The following ERAP1 variants were observed in gnomAD, a reference collection of about 807,000 sequenced individuals.
ERAP1 encodes the protein adipocyte-derived leucine aminopeptidase.
Under a neutral mutation model 103.7 loss-of-function variants are expected in ERAP1, and 86 were observed. That is an observed-to-expected ratio of 0.83 (90% CI 0.70 to 0.99). The LOEUF (loss-of-function observed/expected upper bound fraction) is 0.99. Among genes scored for constraint, ERAP1 ranks in the 50% least tolerant of loss-of-function variants. The pLI is 0.00. For synonymous variants in ERAP1, 398 were observed against 402.4 expected (o/e 0.99, Z 0.13); for missense variants, 1,009 against 1,128.4 (o/e 0.89, Z 1.52).
chr5:96,877,467 C>A, the ERAP1 span, among the ~76,000 whole-genome samples: 79,574 of 152,104 alleles, frequency 0.52, 21,000 homozygotes, highest in South Asian at 0.61. Context: ...GTTATAACCT[C>A]AATAATAATT....
At chr5:96,918,002 C>T in the ERAP1 span, 1 of 152,822 alleles carries the variant, frequency 6.5e-6, no homozygotes, top group Non-Finnish European at 1.5e-5. Context: ...AGGGTAACAC[C>T]AGTGAAGCTC....
chr5:96,851,050 C>T, the ERAP1 span, among the ~76,000 whole-genome samples: 3 of 152,038 alleles, frequency 2.0e-5, no homozygotes, highest in African/African-American at 4.8e-5. Flanking sequence ...TTTCGGCTTC[C>T]TCAAAAATAC....
chr5:96,776,637 A>C lies in ERAP1; in HGVS notation c.2671-86T>G. 3 of 1,552,386 alleles carry C rather than the reference A, an allele frequency of 1.9e-6. No individual in the cohort carries two copies. The South Asian group carries it at 3.5e-5, about 18-fold the overall frequency. On this transcript the variant is annotated intron_variant, in intron 18 of 18. Transcript: ENST00000443439. ...TAGTTAAAACTGAAGCCAAAATTCC[A>C]GCATTTGTCAAAATTCTATATAGAA... is the stretch of plus-strand genomic sequence containing the variant.
chr5:96,797,118 C>T, intron 4 of ERAP1, 57 bp downstream of exon 4: 1 of 1,611,690 alleles, frequency 6.2e-7, no homozygotes, highest in South Asian at 1.1e-5. Flanking sequence ...AGTTTTAAAA[C>T]CAGTTCCAAG....
At chr5:96,780,079 G>T (rs113475281) in intron 18 of ERAP1, among the ~76,000 whole-genome samples, 102 of 152,316 alleles carry the variant, frequency 6.7e-4, no homozygotes, top group African/African-American at 2.4e-3. Context: ...TTCCGGACCT[G>T]CCTCTTTAGC....
the ERAP1 span, among the ~76,000 whole-genome samples, chr5:96,874,774 G>A: frequency 6.6e-6 from 1 of 152,206 alleles, no homozygotes; most frequent in Non-Finnish European, 1.5e-5. Flanking sequence ...TCTAATCATG[G>A]CAACATGTGC....
At chr5:96,911,005 A>G in the ERAP1 span, among the ~76,000 whole-genome samples, 1 of 152,242 alleles carries the variant, frequency 6.6e-6, no homozygotes, top group African/African-American at 2.4e-5. Context: ...AACAATATGT[A>G]TTATAATTAT....
chr5:96,824,197 G>A, the ERAP1 span, among the ~76,000 whole-genome samples: 1 of 152,118 alleles, frequency 6.6e-6, no homozygotes, highest in Non-Finnish European at 1.5e-5. Context: ...TGTAGATAAG[G>A]GTGGACTCCT....
At chr5:96,776,663 G>A in intron 18 of ERAP1, 112 bp from the exon 19 acceptor site, 1 of 1,459,988 alleles carries the variant, frequency 6.8e-7, no homozygotes, top group Non-Finnish European at 9.2e-7. Context: ...CTATATAGAA[G>A]GCAGTCCCAG....
At chr5:96,932,237 A>G in the ERAP1 span, among the ~76,000 whole-genome samples, 1 of 152,220 alleles carries the variant, frequency 6.6e-6, no homozygotes, top group African/African-American at 2.4e-5. Flanking sequence ...AAACCTCATG[A>G]TGGTCAGCCT....
chr5:96,935,791 G>A, the ERAP1 span: 1 of 257,384 alleles, frequency 3.9e-6, no homozygotes, highest in Non-Finnish European at 7.5e-6. Flanking sequence ...GTCGCAGTAG[G>A]GCTCCACATT....
upstream of ERAP1, among the ~76,000 whole-genome samples, chr5:96,810,618 G>GA (rs1779096581): frequency 6.6e-6 from 1 of 152,182 alleles, no homozygotes; most frequent in Non-Finnish European, 1.5e-5. Flanking sequence ...GGGCTGGTTG[G>GA]CCGGTTGAGC....
At chr5:96,768,124 C>T in intron 19 of ERAP1, 1 of 723,302 alleles carries the variant, frequency 1.4e-6, no homozygotes, top group East Asian at 2.7e-5. Flanking sequence ...TACTCTATAG[C>T]CCAGGCTGGA....
chr5:96,928,740 C>T, the ERAP1 span, among the ~76,000 whole-genome samples: 10 of 152,258 alleles, frequency 6.6e-5, no homozygotes, highest in African/African-American at 1.9e-4. Context: ...AGCTCCCCAT[C>T]CATGTCTACT....
chr5:96,873,399 C>T, the ERAP1 span: 2 of 455,960 alleles, frequency 4.4e-6, no homozygotes, highest in Admixed American at 4.7e-5. Context: ...AAACGAAACA[C>T]AAACTTGTTA....
At chr5:96,916,338 T>C in the ERAP1 span, among the ~76,000 whole-genome samples, 1 of 151,934 alleles carries the variant, frequency 6.6e-6, no homozygotes, top group Non-Finnish European at 1.5e-5. Context: ...ACTTGAGAGG[T>C]GAGCCCTTTT....
chr5:96,788,879 T>C (rs968091989), intron 10 of ERAP1, among the ~76,000 whole-genome samples, 194 bp from the exon 11 acceptor site: 5 of 152,170 alleles, frequency 3.3e-5, no homozygotes, highest in Non-Finnish European at 5.9e-5. Flanking sequence ...TTGCTTGTCA[T>C]TTTCCTCCAC....
chr5:96,796,237 G>C (rs1223260234), intron 4 of ERAP1, among the ~76,000 whole-genome samples: 1 of 152,176 alleles, frequency 6.6e-6, no homozygotes, highest in Admixed American at 6.5e-5. Context: ...AAACACATAA[G>C]GTATCTTCAA....
chr5:96,900,291 G>C, the ERAP1 span: 1 of 1,465,826 alleles, frequency 6.8e-7, no homozygotes, highest in East Asian at 2.3e-5. Flanking sequence ...TTTAAAAGCT[G>C]GAGAGAAAGA....
Sources: allele counts gnomAD v4.1 joint callset (sites outside exome capture counted in the v4.1 genomes callset), GRCh38; gene constraint gnomAD v4.1.1; transcripts MANE v1.5; gene names NCBI Gene and HGNC (gene_info 2026-07-23, HGNC 2026-07-21).